SLIT2: variants seen among roughly 807,000 people sequenced by gnomAD.
SLIT2 encodes slit guidance ligand 2.
A neutral mutation model predicts 185.7 loss-of-function variants in SLIT2; 41 were observed. The observed-to-expected ratio is 0.22, with a 90% CI of 0.17 to 0.29. The LOEUF (loss-of-function observed/expected upper bound fraction) is 0.29. SLIT2 is among the 10% of genes least tolerant of loss of function. SLIT2 has a pLI of 1.00. For synonymous variants in SLIT2, 693 were observed against 680.2 expected, an observed-to-expected ratio of 1.02 and a Z score of -0.29; for missense variants, 1,571 against 1,909.0, an observed-to-expected ratio of 0.82 and a Z score of 3.30.
intron 33 of SLIT2, among the ~76,000 whole-genome samples, chr4:20,606,728 C>T (rs1728821963): frequency 6.6e-6 from 1 of 152,144 alleles, no homozygotes; most frequent in African/African-American, 2.4e-5. Flanking sequence ...GTTTTTAAAT[C>T]CATATAATTT....
intron 21 of SLIT2, among the ~76,000 whole-genome samples, chr4:20,543,123 A>T (rs1465651208): frequency 1.3e-5 from 2 of 151,788 alleles, no homozygotes; most frequent in Non-Finnish European, 2.9e-5. Context: ...ACCACATGGG[A>T]TAAATAACTA....
intron 14 of SLIT2, 103 bp downstream of exon 14, chr4:20,524,280 C>A: frequency 1.0e-6 from 1 of 998,456 alleles, no homozygotes; most frequent in Non-Finnish European, 1.5e-6. Flanking sequence ...ACTGTAGAAT[C>A]ATATTTCTTT....
At chr4:20,544,925 G>GGAA (rs1723118497) in intron 21 of SLIT2, among the ~76,000 whole-genome samples, 1 of 152,090 alleles carries the variant, frequency 6.6e-6, no homozygotes, top group South Asian at 2.1e-4. Context: ...AAAAAATGGA[G>GGAA]AGGGGTCGAA....
At chr4:20,447,873 G>C (rs1195757610) in intron 4 of SLIT2, among the ~76,000 whole-genome samples, 3 of 152,198 alleles carry the variant, frequency 2.0e-5, no homozygotes, top group Admixed American at 2.0e-4. Context: ...GAGTTTTTCA[G>C]CTACTTTACT....
intron 4 of SLIT2, among the ~76,000 whole-genome samples, chr4:20,434,978 A>C (rs76096716): frequency 0.015 from 2,228 of 152,296 alleles, 62 homozygotes; most frequent in African/African-American, 0.052. Flanking sequence ...CATTATTTAT[A>C]GAATTATTAA....
chr4:20,271,236 A>G (rs889999598), intron 4 of SLIT2, among the ~76,000 whole-genome samples: 12 of 151,660 alleles, frequency 7.9e-5, no homozygotes, highest in African/African-American at 2.7e-4. Context: ...AAGTGACAGA[A>G]CAAAGGATAT....
chr4:20,379,462 A>G (rs963026098), intron 4 of SLIT2, among the ~76,000 whole-genome samples: 8 of 152,112 alleles, frequency 5.3e-5, no homozygotes, highest in Non-Finnish European at 1.0e-4. Flanking sequence ...TGCTTGATGG[A>G]TCATCTTAAT....
intron 5 of SLIT2, 28 bp downstream of exon 5, chr4:20,467,851 G>GTTAA: frequency 8.7e-7 from 1 of 1,152,776 alleles, no homozygotes; most frequent in Non-Finnish European, 1.3e-6. Flanking sequence ...AATTTATAGT[G>GTTAA]TTTTAAGTCA....
At chr4:20,414,015 C>T (rs1482307177) in intron 4 of SLIT2, among the ~76,000 whole-genome samples, 1 of 151,892 alleles carries the variant, frequency 6.6e-6, no homozygotes. Context: ...AATTTGTTTT[C>T]CATATGTTTT....
chr4:20,282,031 A>G (rs1263846902), intron 4 of SLIT2, among the ~76,000 whole-genome samples: 4 of 152,342 alleles, frequency 2.6e-5, no homozygotes, highest in Middle Eastern at 6.8e-3. Context: ...TTTCTGATTC[A>G]TCAGAACCTT....
chr4:20,462,609 A>G (rs980218413), intron 4 of SLIT2, among the ~76,000 whole-genome samples: 1 of 152,166 alleles, frequency 6.6e-6, no homozygotes, highest in Non-Finnish European at 1.5e-5. Flanking sequence ...CTGGTGACCC[A>G]CTGACTCTCT....
intron 11 of SLIT2, among the ~76,000 whole-genome samples, chr4:20,512,118 C>T (rs977032002): frequency 8.5e-5 from 13 of 152,216 alleles, no homozygotes; most frequent in Admixed American, 2.0e-4. Context: ...AAGTGGAAGT[C>T]GGCACATTTT....
At chr4:20,550,301 G>A (rs976864338) in intron 24 of SLIT2, among the ~76,000 whole-genome samples, 6 of 151,442 alleles carry the variant, frequency 4.0e-5, no homozygotes, top group Non-Finnish European at 8.8e-5. Context: ...ATTTTCTGTT[G>A]GGTACTTTAT....
At chr4:20,566,374 G>C (rs1490406184) in intron 26 of SLIT2, among the ~76,000 whole-genome samples, 1 of 152,024 alleles carries the variant, frequency 6.6e-6, no homozygotes, top group Non-Finnish European at 1.5e-5. Context: ...CTTGTGGTGA[G>C]CTCTCACACA....
At chr4:20,286,067 A>C (rs1450932751) in intron 4 of SLIT2, among the ~76,000 whole-genome samples, 1 of 152,224 alleles carries the variant, frequency 6.6e-6, no homozygotes, top group African/African-American at 2.4e-5. Flanking sequence ...ACACCCAAAG[A>C]GATGATGTAA....
Position 20,319,811 on chromosome 4 carries a change from C to CA in SLIT2, c.395+50940dup, listed in dbSNP as rs796312560. 4.6e-3 allele frequency among the ~76,000 whole-genome samples: 221 copies of CA among 48,064 alleles called. 2 individuals carry two copies. The South Asian group carries it at 0.11, about 23-fold the overall frequency. 31.5% of individuals were successfully genotyped at this position (48,064 alleles called of 152,430 possible). A position where few individuals can be genotyped will look rare whatever the true frequency, so the allele number is the denominator to read the frequency against. On this transcript the variant is annotated intron_variant, in intron 4 of 36. Coordinates refer to ENST00000504154, the MANE Select transcript of SLIT2 (RefSeq NM_004787.4). ...TTTGGGCCAGCACTAAAAAACAAAA[C>CA]AAAAAAAAAACAAAAACCATAACAT...
chr4:20,258,573 G>A (rs1712103418), intron 3 of SLIT2, among the ~76,000 whole-genome samples: 1 of 151,664 alleles, frequency 6.6e-6, no homozygotes, highest in Non-Finnish European at 1.5e-5. Flanking sequence ...TTCCCAAGAA[G>A]ATTAAATGTA....
In SLIT2 at chr4:20,480,755, G is replaced by A; in HGVS notation, c.507G>A (p.Gly169=). 1 of 1,613,464 alleles carries A rather than the reference G, an allele frequency of 6.2e-7. No individual in the cohort carries two copies. The highest frequency in any genetic ancestry group is 1.3e-5 in the African/African-American group (1 of 74,988). The change falls in exon 6 of 37, where the codon GGG becomes GGA. Residue 169 remains glycine (G), a synonymous_variant. Coordinates refer to ENST00000504154, the MANE Select transcript of SLIT2 (RefSeq NM_004787.4). ...ACCAGATCAGCTGTATTGAAGATGG[G>A]GCATTCAGGGCTCTCCGGGACCTGG... ...DYNQISCIED[G]AFRALRDLEV...
At chr4:20,305,772 C>T (rs1336426328) in intron 4 of SLIT2, among the ~76,000 whole-genome samples, 1 of 151,488 alleles carries the variant, frequency 6.6e-6, no homozygotes, top group Non-Finnish European at 1.5e-5. Flanking sequence ...ACTTGGGAGG[C>T]CGAGGCAGGA....
Sources: allele counts gnomAD v4.1 joint callset (sites outside exome capture counted in the v4.1 genomes callset), GRCh38; gene constraint gnomAD v4.1.1; transcripts MANE v1.5; gene names NCBI Gene and HGNC (gene_info 2026-07-23, HGNC 2026-07-21).